The following KCNH5 variants were observed in gnomAD, a reference collection of about 807,000 sequenced individuals.
KCNH5 encodes potassium voltage-gated channel subfamily H member 5, also known as voltage-gated delayed rectifier potassium channel KCNH5.
A neutral mutation model predicts 96.1 loss-of-function variants in KCNH5; 46 were observed. That is an observed-to-expected ratio of 0.48 (90% CI 0.38 to 0.61). The LOEUF is 0.61. Among genes scored for constraint, KCNH5 ranks in the 20% least tolerant of loss-of-function variants. The probability of loss-of-function intolerance (pLI) is 0.00; values close to 1 mark genes in which losing one functional copy is unlikely to be tolerated. For missense variants in KCNH5, 907 were observed against 1,225.8 expected (o/e 0.74, Z 3.88); for synonymous variants, 439 against 449.8 (o/e 0.98, Z 0.30).
intron 4 of KCNH5, among the ~76,000 whole-genome samples, chr14:62,991,067 G>C (rs997064397): frequency 2.6e-5 from 4 of 151,870 alleles, no homozygotes; most frequent in African/African-American, 9.7e-5. Flanking sequence ...ATTTGGGTGG[G>C]GACACAGAGC....
At chr14:62,873,083 G>C (rs1888291522) in intron 7 of KCNH5, among the ~76,000 whole-genome samples, 6 of 150,992 alleles carry the variant, frequency 4.0e-5, no homozygotes, top group Admixed American at 4.0e-4. Context: ...CCAGGAGGCA[G>C]AGCTTGCAGT....
At chr14:62,858,064 G>GA (rs377477922) in intron 7 of KCNH5, among the ~76,000 whole-genome samples, 69 of 143,272 alleles carry the variant, frequency 4.8e-4, no homozygotes, top group African/African-American at 1.4e-3. Context: ...ACATGATAAA[G>GA]AAAAAAAAAA....
Position 62,838,247 on chromosome 14 carries a change from T to C in KCNH5, c.1569+11406A>G, listed in dbSNP as rs1406272437. Among the ~76,000 whole-genome samples the C allele has an allele frequency of 2.6e-5, 4 of 152,194 alleles. No homozygotes were observed. In the East Asian group the frequency reaches 7.7e-4, roughly 29 times the overall value. ...ACAGGAACTAGCCTAGAAGACATGT[T>C]AACTAGAACAGGAGACTCCCTACTG... On this transcript the variant is annotated intron_variant, in intron 8 of 10. Transcript: ENST00000322893.
At chr14:62,826,253 C>T (rs1470294846) in intron 8 of KCNH5, among the ~76,000 whole-genome samples, 1 of 152,006 alleles carries the variant, frequency 6.6e-6, no homozygotes, top group African/African-American at 2.4e-5. Context: ...ATATTAACTC[C>T]TATAGCTTCA....
intron 4 of KCNH5, among the ~76,000 whole-genome samples, chr14:62,991,670 T>C (rs1322185972): frequency 1.3e-5 from 2 of 152,004 alleles, no homozygotes; most frequent in Admixed American, 6.6e-5. Flanking sequence ...TACTCAGTAA[T>C]CTTTTTATTT....
intron 4 of KCNH5, among the ~76,000 whole-genome samples, chr14:62,997,415 T>C (rs952800256): frequency 3.9e-5 from 6 of 152,208 alleles, no homozygotes; most frequent in Admixed American, 1.3e-4. Context: ...GTTTTTATCA[T>C]GAACAAGTGC....
rs773452775 is a variant in KCNH5, at chr14:62,788,757, G to A, written c.1823-8833C>T. 4.8e-4 allele frequency among the ~76,000 whole-genome samples: 73 copies of A among 152,036 alleles called. 1 individual carries two copies. Among genetic ancestry groups the A allele is most frequent in the Admixed American group, 3.9e-3 (60 of 15,262 alleles). On this transcript the variant is annotated intron_variant, in intron 9 of 10. Coordinates refer to ENST00000322893, the MANE Select transcript of KCNH5 (RefSeq NM_139318.5). Reference sequence around the variant, plus strand: ...GCAAAAAGATTACAACTTGCTGAAGGCTCAGATGATCATTAGCATATTTTA... The same window carrying A: ...GCAAAAAGATTACAACTTGCTGAAGACTCAGATGATCATTAGCATATTTTA...
intron 10 of KCNH5, among the ~76,000 whole-genome samples, chr14:62,747,845 T>C (rs925130746): frequency 2.0e-5 from 3 of 152,018 alleles, no homozygotes; most frequent in Non-Finnish European, 2.9e-5. Flanking sequence ...CTGTGTGGAG[T>C]TTTTAGAAAA....
In KCNH5 at chr14:62,802,463, G is replaced by A. The variant is rs1261631537; in HGVS notation, c.1688C>T (p.Ala563Val). 1 of 1,614,098 alleles carries A rather than the reference G, an allele frequency of 6.2e-7. No homozygotes were observed. The change falls in exon 9 of 11, where the codon GCG becomes GTG. Residue 563 changes from alanine to valine, a missense_variant. Physicochemically the swap from Ala to Val is moderately conservative, Grantham distance 64. This residue lies in a region of KCNH5 where 20 missense variants were observed against 57.9 expected (regional missense o/e 0.35). Transcript: ENST00000322893. Reference sequence around the variant, plus strand: ...ACAGTGAATGGTTTGGAACTCTACCGCCAAGGCGCGCAGACACCCATCGCT... The same window carrying A: ...ACAGTGAATGGTTTGGAACTCTACCACCAAGGCGCGCAGACACCCATCGCT... ...LASDGCLRALAVEFQTIHCAP... is the reference protein window; with the variant it reads ...LASDGCLRALVVEFQTIHCAP...
rs71410693 is a variant in KCNH5, at chr14:62,799,691, TTATATATATATATA to T, written c.1822+2624_1822+2637del. ...ATATATCTTTTCTATGTATATACCT[TTATATATATATATA>T]TATATATATATATATATATATACAC... On this transcript the variant is annotated intron_variant, in intron 9 of 10. Transcript: ENST00000322893. 5.2e-4 allele frequency among the ~76,000 whole-genome samples: 30 copies of T among 57,994 alleles called. 1 individual carries two copies. The highest frequency in any genetic ancestry group is 1.5e-3 in the Admixed American group (6 of 4,088). 38.0% of individuals were successfully genotyped at this position (57,994 alleles called of 152,430 possible). A position where few individuals can be genotyped will look rare whatever the true frequency, so the allele number is the denominator to read the frequency against.
chr14:62,961,982 GAGATGCAGATGC>G (rs1280845893), intron 6 of KCNH5, among the ~76,000 whole-genome samples: 3 of 151,258 alleles, frequency 2.0e-5, no homozygotes, highest in Admixed American at 2.0e-4. Flanking sequence ...GATGCAGATA[GAGATGCAGATGC>G]AGATGGAGAT....
intron 7 of KCNH5, among the ~76,000 whole-genome samples, chr14:62,908,948 T>A (rs986114957): frequency 2.0e-5 from 3 of 150,986 alleles, no homozygotes; most frequent in African/African-American, 4.9e-5. Flanking sequence ...AATGACTCTT[T>A]GAGCAAACTC....
Position 62,704,140 on chromosome 14 carries a change from AG to A in KCNH5, c.*3367del, listed in dbSNP as rs1220357242. The A allele has an allele frequency of 6.6e-6, 1 of 152,038 alleles. No homozygotes were observed. Among genetic ancestry groups the A allele is most frequent in the East Asian group, 1.9e-4 (1 of 5,186 alleles). The allele number at this position is 152,038 out of a possible 1,614,324, so 9.4% of individuals were successfully genotyped here. A position where few individuals can be genotyped will look rare whatever the true frequency, so the allele number is the denominator to read the frequency against. On this transcript the variant is annotated 3_prime_UTR_variant, in exon 11 of 11. Transcript: ENST00000322893. The stretch of plus-strand genomic sequence containing the variant: ...AACTAATTTTCCTATTAAAGTGTTG[AG>A]TACAACAGAAGTACACATTTTTTCT...
intron 10 of KCNH5, among the ~76,000 whole-genome samples, chr14:62,744,667 T>C: frequency 6.6e-6 from 1 of 152,194 alleles, no homozygotes; most frequent in East Asian, 1.9e-4. Flanking sequence ...TTGCATATTA[T>C]AGATTCGTAA....
chr14:63,022,427 C>T (rs1239379893), intron 1 of KCNH5, among the ~76,000 whole-genome samples: 5 of 152,026 alleles, frequency 3.3e-5, no homozygotes, highest in African/African-American at 1.2e-4. Context: ...ATTTTTTATA[C>T]TGAAGCCAAA....
intron 8 of KCNH5, among the ~76,000 whole-genome samples, chr14:62,826,900 G>T (rs1014331151): frequency 6.6e-6 from 1 of 151,622 alleles, no homozygotes; most frequent in African/African-American, 2.4e-5. Context: ...AACATGAAAC[G>T]ACTTCATGAA....
intron 1 of KCNH5, among the ~76,000 whole-genome samples, chr14:63,041,117 T>A (rs1415767972): frequency 1.3e-5 from 2 of 152,132 alleles, no homozygotes; most frequent in East Asian, 3.8e-4. Context: ...CTCAAACTAA[T>A]CATGTCTGCC....
At chr14:63,001,263 G>T in intron 4 of KCNH5, 68 bp downstream of exon 4, 1 of 1,431,716 alleles carries the variant, frequency 7.0e-7, no homozygotes, top group Non-Finnish European at 9.4e-7. Context: ...ATCAGCAGAG[G>T]TAAAACAGTA....
chr14:62,869,628 C>T (rs140563931), intron 7 of KCNH5, among the ~76,000 whole-genome samples: 112 of 152,214 alleles, frequency 7.4e-4, no homozygotes, highest in African/African-American at 2.6e-3. Flanking sequence ...AATGGTATTG[C>T]CTAGGTTTTC....
Sources: gnomAD v4.1 joint callset for allele counts (sites outside exome capture counted in the v4.1 genomes callset) on GRCh38, gnomAD v4.1.1 for gene constraint, gnomAD v4.1.1 regional missense constraint, MANE v1.5 for transcripts, NCBI Gene and HGNC (gene_info 2026-07-23, HGNC 2026-07-21) for gene names.